The following ANO2 variants were observed in gnomAD, a reference collection of about 807,000 sequenced individuals.
ANO2 encodes anoctamin 2, also known as anoctamin-2.
ANO2 carries 101 observed loss-of-function variants against 124.2 expected under a neutral mutation model. The observed-to-expected ratio is 0.81, with a 90% CI of 0.69 to 0.96. The LOEUF (loss-of-function observed/expected upper bound fraction) is 0.96. Among genes scored for constraint, ANO2 ranks in the 40% least tolerant of loss-of-function variants. The pLI is 0.00. For synonymous variants in ANO2, 486 were observed against 482.5 expected, an observed-to-expected ratio of 1.01 and a Z score of -0.09; for missense variants, 1,293 against 1,274.5, an observed-to-expected ratio of 1.01 and a Z score of -0.22.
intron 11 of ANO2, among the ~76,000 whole-genome samples, chr12:5,745,787 T>A (rs1951248609): frequency 6.6e-6 from 1 of 152,158 alleles, no homozygotes; most frequent in South Asian, 2.1e-4. Context: ...AAATGACTCA[T>A]CCACGTCGAA....
At chr12:5,630,265 A>G in intron 16 of ANO2, among the ~76,000 whole-genome samples, 1 of 152,216 alleles carries the variant, frequency 6.6e-6, no homozygotes, top group East Asian at 1.9e-4. Flanking sequence ...CAGCGTGAGA[A>G]TGGCAAACGA....
chr12:5,760,936 C>T (rs1435544059), intron 10 of ANO2, among the ~76,000 whole-genome samples: 1 of 152,000 alleles, frequency 6.6e-6, no homozygotes, highest in Non-Finnish European at 1.5e-5. Context: ...CAGTCGAACA[C>T]GGATTCAGGG....
intron 23 of ANO2, among the ~76,000 whole-genome samples, chr12:5,567,133 G>A (rs748314333): frequency 2.6e-5 from 4 of 152,156 alleles, no homozygotes; most frequent in Non-Finnish European, 4.4e-5. Flanking sequence ...GGCTTGGCAG[G>A]AGGCCAGGAG....
At chr12:5,616,878 CCA>C (rs1944835563) in intron 16 of ANO2, among the ~76,000 whole-genome samples, 1 of 151,034 alleles carries the variant, frequency 6.6e-6, no homozygotes, top group Admixed American at 6.6e-5. Flanking sequence ...ATCCTCCAGA[CCA>C]CACAGTACCA....
At position 5,578,525 on chromosome 12, in the gene ANO2, G is replaced by C; in HGVS notation, c.2234-7C>G. 6.2e-7 allele frequency: 1 copy of C among 1,611,762 alleles called. No homozygotes were observed. The highest frequency in any genetic ancestry group is 8.5e-7 in the Non-Finnish European group (1 of 1,179,004). On this transcript the variant is annotated splice_region_variant and splice_polypyrimidine_tract_variant and intron_variant, in intron 20 of 24. Coordinates refer to ENST00000682330, the MANE Select transcript of ANO2 (RefSeq NM_001364791.2). ...ACAAAACCAAACTGGATGACTGCGAGAGAGCACAGCATGAGGGCTTCAGCA... is the reference window on the plus strand; with the variant it reads ...ACAAAACCAAACTGGATGACTGCGACAGAGCACAGCATGAGGGCTTCAGCA...
chr12:5,807,197 C>A, intron 8 of ANO2, 116 bp downstream of exon 8: 1 of 845,886 alleles, frequency 1.2e-6, no homozygotes, highest in Non-Finnish European at 1.8e-6. Context: ...ATTTTAATGT[C>A]ATGATTCACT....
chr12:5,821,275 C>A (rs781252356), intron 7 of ANO2, among the ~76,000 whole-genome samples: 20 of 152,188 alleles, frequency 1.3e-4, no homozygotes, highest in Non-Finnish European at 1.6e-4. Context: ...CAAGATATTC[C>A]TTCTAAGGTG....
chr12:5,775,537 C>A (rs1267818996), intron 10 of ANO2, among the ~76,000 whole-genome samples: 4 of 150,552 alleles, frequency 2.7e-5, no homozygotes, highest in Non-Finnish European at 5.9e-5. Flanking sequence ...TCTTGGCTCA[C>A]TGCAAGCTCC....
chr12:5,697,889 G>A (rs1949250988), intron 14 of ANO2, among the ~76,000 whole-genome samples: 1 of 152,236 alleles, frequency 6.6e-6, no homozygotes, highest in Non-Finnish European at 1.5e-5. Context: ...GAACTGCAAG[G>A]TGGCAGCAAG....
chr12:5,734,959 A>T (rs1283122750), intron 13 of ANO2, among the ~76,000 whole-genome samples: 1 of 152,114 alleles, frequency 6.6e-6, no homozygotes, highest in Non-Finnish European at 1.5e-5. Flanking sequence ...CATAACCCTT[A>T]ACTTTTTAAA....
chr12:5,890,551 G>A (rs4764573), intron 3 of ANO2, among the ~76,000 whole-genome samples: 30 of 152,340 alleles, frequency 2.0e-4, no homozygotes, highest in Middle Eastern at 3.4e-3. Flanking sequence ...CAAGCCCTGT[G>A]TTAGGAACTT....
intron 9 of ANO2, among the ~76,000 whole-genome samples, chr12:5,803,453 C>T (rs1953104641): frequency 6.6e-6 from 1 of 152,172 alleles, no homozygotes; most frequent in South Asian, 2.1e-4. Flanking sequence ...GCTGGAAAAT[C>T]CAGGACTAAG....
At chr12:5,796,615 AG>A (rs775740107) in intron 10 of ANO2, among the ~76,000 whole-genome samples, 13 of 152,284 alleles carry the variant, frequency 8.5e-5, no homozygotes, top group Non-Finnish European at 1.6e-4. Flanking sequence ...GAGCAGAGGC[AG>A]GATCGGGAGG....
intron 4 of ANO2, among the ~76,000 whole-genome samples, chr12:5,837,324 CTT>C (rs869138156): frequency 1.6e-3 from 46 of 29,510 alleles, no homozygotes; most frequent in Admixed American, 8.9e-3. Context: ...TGATTCCTGC[CTT>C]TTTTTTTTTT....
At position 5,862,993 on chromosome 12, in the gene ANO2, G is replaced by A. The variant is rs980313466; in HGVS notation, c.535-8852C>T. Among the ~76,000 whole-genome samples, 11 of 152,030 alleles carry A rather than the reference G, an allele frequency of 7.2e-5. No homozygotes were observed. Among genetic ancestry groups the A allele is most frequent in the African/African-American group, 2.7e-4 (11 of 41,382 alleles). On this transcript the variant is annotated intron_variant, in intron 3 of 24. Transcript: ENST00000682330. This position sits in a 1 kb window ranked among gnomAD's most constrained non-coding sequence, Gnocchi z 4.0. ...TTTTTTCTTTTTTTTAGTAGAGACG[G>A]TGAGGGGAAACCCCTTTCATTTGGT...
intron 14 of ANO2, among the ~76,000 whole-genome samples, chr12:5,703,130 A>G (rs192977332): frequency 6.6e-6 from 1 of 152,340 alleles, no homozygotes; most frequent in Non-Finnish European, 1.5e-5. Flanking sequence ...AAATGATGGC[A>G]TATTAATCCA....
intron 3 of ANO2, among the ~76,000 whole-genome samples, chr12:5,898,611 G>A (rs1939957370): frequency 1.3e-5 from 2 of 152,008 alleles, no homozygotes; most frequent in Admixed American, 1.3e-4. Context: ...CTTAATGTTG[G>A]GCAAAAACAA....
chr12:5,871,896 A>G (rs962939782), intron 3 of ANO2, among the ~76,000 whole-genome samples: 6 of 152,200 alleles, frequency 3.9e-5, no homozygotes, highest in African/African-American at 1.2e-4. Flanking sequence ...GTTGGGCTGG[A>G]AAGTCCAGCT....
intron 14 of ANO2, among the ~76,000 whole-genome samples, chr12:5,717,504 G>C (rs1420933430): frequency 6.6e-6 from 1 of 152,136 alleles, no homozygotes; most frequent in Non-Finnish European, 1.5e-5. Context: ...CTCCCTCCCT[G>C]CAACACCCTG....
Sources: allele counts gnomAD v4.1 joint callset (sites outside exome capture counted in the v4.1 genomes callset), GRCh38; gene constraint gnomAD v4.1.1; non-coding constraint Gnocchi (gnomAD v3.1); transcripts MANE v1.5; gene names NCBI Gene and HGNC (gene_info 2026-07-23, HGNC 2026-07-21).